Variants in ATRNL1 observed in about 807,000 individuals in gnomAD.
ATRNL1 encodes attractin like 1, also known as attractin-like protein 1.
A neutral mutation model predicts 182.7 loss-of-function variants in ATRNL1; 95 were observed. The ratio of observed to expected loss-of-function variants is 0.52; its 90% CI spans 0.44 to 0.62. The LOEUF (loss-of-function observed/expected upper bound fraction) is 0.62. ATRNL1 is among the 20% of genes least tolerant of loss of function. The pLI is 0.00. For missense variants in ATRNL1, 1,471 were observed against 1,679.5 expected, an observed-to-expected ratio of 0.88 and a Z score of 2.17; for synonymous variants, 576 against 568.3, an observed-to-expected ratio of 1.01 and a Z score of -0.19.
intron 22 of ATRNL1, among the ~76,000 whole-genome samples, chr10:115,465,820 A>G (rs1287693798): frequency 2.0e-5 from 3 of 151,610 alleles, no homozygotes; most frequent in African/African-American, 7.2e-5. Context: ...CAACCTTATT[A>G]TAACAAATTT....
chr10:115,521,809 G>A (rs757354257), intron 25 of ATRNL1, among the ~76,000 whole-genome samples: 86 of 152,084 alleles, frequency 5.7e-4, no homozygotes, highest in Non-Finnish European at 1.0e-3. Context: ...AAAAAACTGG[G>A]TCATTGTTAA....
intron 26 of ATRNL1, among the ~76,000 whole-genome samples, chr10:115,720,003 G>A (rs527672084): frequency 6.6e-6 from 1 of 151,790 alleles, no homozygotes; most frequent in Non-Finnish European, 1.5e-5. Flanking sequence ...GGGATTACAG[G>A]TGTGCGCCAC....
intron 9 of ATRNL1, among the ~76,000 whole-genome samples, chr10:115,223,930 T>TATATA (rs1491447423): frequency 1.9e-4 from 7 of 37,236 alleles, no homozygotes; most frequent in South Asian, 7.8e-4. Flanking sequence ...TATATATATA[T>TATATA]TTTTTTTTTT....
intron 24 of ATRNL1, among the ~76,000 whole-genome samples, chr10:115,498,862 C>G (rs185118671): frequency 1.2e-3 from 182 of 152,092 alleles, no homozygotes; most frequent in African/African-American, 4.3e-3. Flanking sequence ...ATACTTGCTA[C>G]TTTCAGCTTT....
At chr10:115,276,561 G>A in intron 13 of ATRNL1, among the ~76,000 whole-genome samples, 1 of 152,220 alleles carries the variant, frequency 6.6e-6, no homozygotes, top group East Asian at 1.9e-4. Context: ...AGTTTTATCA[G>A]AATGTCTTGT....
At chr10:115,537,729 AT>A (rs1852119249) in intron 25 of ATRNL1, among the ~76,000 whole-genome samples, 1 of 121,702 alleles carries the variant, frequency 8.2e-6, no homozygotes, top group South Asian at 2.6e-4. Context: ...TGTTGGAAGC[AT>A]TTTAAAATTT....
chr10:115,132,671 CTGA>C (rs1288427822), intron 5 of ATRNL1, among the ~76,000 whole-genome samples: 1 of 152,122 alleles, frequency 6.6e-6, no homozygotes, highest in Non-Finnish European at 1.5e-5. Flanking sequence ...TTGCATTTCT[CTGA>C]TGGCCAGTGA....
intron 5 of ATRNL1, among the ~76,000 whole-genome samples, chr10:115,151,845 A>C (rs1229218622): frequency 1.3e-5 from 2 of 152,182 alleles, no homozygotes; most frequent in Non-Finnish European, 2.9e-5. Context: ...TTATAGTTTT[A>C]GGTCCAACAT....
chr10:115,825,399 T>G (rs1555091691), intron 27 of ATRNL1, among the ~76,000 whole-genome samples: 1 of 152,130 alleles, frequency 6.6e-6, no homozygotes, highest in African/African-American at 2.4e-5. Context: ...TGCACGTTCT[T>G]CTGCACATGC....
At chr10:115,772,040 G>A (rs567686986) in intron 27 of ATRNL1, among the ~76,000 whole-genome samples, 1 of 152,302 alleles carries the variant, frequency 6.6e-6, no homozygotes, top group East Asian at 1.9e-4. Flanking sequence ...TTTAAGTCAG[G>A]ATAGACAGTC....
intron 28 of ATRNL1, among the ~76,000 whole-genome samples, chr10:115,939,297 C>G (rs782639836): frequency 6.6e-6 from 1 of 152,178 alleles, no homozygotes; most frequent in Non-Finnish European, 1.5e-5. Context: ...AGAGCAGCCA[C>G]TGGGCCTGCT....
At chr10:115,685,378 A>G (rs1946183145) in intron 26 of ATRNL1, among the ~76,000 whole-genome samples, 1 of 151,802 alleles carries the variant, frequency 6.6e-6, no homozygotes, top group African/African-American at 2.4e-5. Context: ...TCATCTATAC[A>G]ATGGAGATAT....
chr10:115,142,023 C>T (rs556686505), intron 5 of ATRNL1, among the ~76,000 whole-genome samples: 7 of 152,024 alleles, frequency 4.6e-5, no homozygotes, highest in Admixed American at 1.3e-4. Context: ...GCTCTAGGTC[C>T]TTGGGATACA....
At position 115,301,935 on chromosome 10, in the gene ATRNL1, A is replaced by C; in HGVS notation, c.2710A>C (p.Met904Leu). The C allele has an allele frequency of 1.2e-6, 2 of 1,614,108 alleles. No homozygotes were observed. Among genetic ancestry groups the C allele is most frequent in the Non-Finnish European group, 1.7e-6 (2 of 1,179,952 alleles). Reference sequence around the variant, plus strand: ...ATGTTCCAACTGTACAAGCAATGGCATGGAGTGTATGTGGTGCAGCAGTAC... The same window carrying C: ...ATGTTCCAACTGTACAAGCAATGGCCTGGAGTGTATGTGGTGCAGCAGTAC... ...TSCSNCTSNGMECMWCSSTKR... is the reference protein window; with the variant it reads ...TSCSNCTSNGLECMWCSSTKR... The change falls in exon 17 of 29, where the codon ATG (methionine) becomes CTG (leucine). Residue 904 changes from methionine to leucine, a missense_variant. Coordinates refer to ENST00000355044, the MANE Select transcript of ATRNL1 (RefSeq NM_207303.4).
intron 10 of ATRNL1, among the ~76,000 whole-genome samples, chr10:115,244,427 C>T (rs561582902): frequency 1.3e-5 from 2 of 151,942 alleles, no homozygotes; most frequent in Non-Finnish European, 2.9e-5. Context: ...TTGGCATCCT[C>T]TTTGGAGGTT....
intron 26 of ATRNL1, among the ~76,000 whole-genome samples, chr10:115,722,197 TTTAAG>T (rs1947448895): frequency 6.6e-6 from 1 of 152,284 alleles, no homozygotes; most frequent in Non-Finnish European, 1.5e-5. Context: ...TTTTTTTATT[TTTAAG>T]TTAACACATT....
intron 15 of ATRNL1, 35 bp downstream of exon 15, chr10:115,286,432 G>T: frequency 1.6e-6 from 2 of 1,286,364 alleles, no homozygotes; most frequent in South Asian, 1.8e-5. Context: ...ATGGAAATAT[G>T]CTATGATAAT....
intron 27 of ATRNL1, among the ~76,000 whole-genome samples, chr10:115,728,703 T>C (rs1166266939): frequency 6.6e-6 from 1 of 152,160 alleles, no homozygotes; most frequent in Non-Finnish European, 1.5e-5. Context: ...AATGAAATAT[T>C]GGGTGCATGT....
chr10:115,553,261 C>CT (rs1298393674), intron 26 of ATRNL1, among the ~76,000 whole-genome samples: 2 of 151,194 alleles, frequency 1.3e-5, no homozygotes, highest in East Asian at 3.9e-4. Context: ...CTCTGTGAAA[C>CT]TTTAACTGCA....
Sources: allele counts gnomAD v4.1 joint callset (sites outside exome capture counted in the v4.1 genomes callset), GRCh38; gene constraint gnomAD v4.1.1; transcripts MANE v1.5; gene names NCBI Gene and HGNC (gene_info 2026-07-23, HGNC 2026-07-21).